ZNF362: variants seen among roughly 807,000 people sequenced by gnomAD.
ZNF362 encodes zinc finger protein 362.
In ZNF362, 11 loss-of-function variants were observed where a neutral mutation model predicts 42.9. That is an observed-to-expected ratio of 0.26 (90% CI 0.16 to 0.42). The LOEUF (loss-of-function observed/expected upper bound fraction) is 0.42, where lower values mean the gene tolerates loss of function less well. Among genes scored for constraint, ZNF362 ranks in the 20% least tolerant of loss-of-function variants. The pLI, the probability that ZNF362 is intolerant of heterozygous loss-of-function variation, is 1.00. For synonymous variants in ZNF362, 255 were observed against 257.3 expected, an observed-to-expected ratio of 0.99 and a Z score of 0.09; for missense variants, 362 against 576.2, an observed-to-expected ratio of 0.63 and a Z score of 3.81.
chr1:33,236,551 ATATATATATAT>A, the ZNF362 span, among the ~76,000 whole-genome samples: 2 of 23,984 alleles, frequency 8.3e-5, no homozygotes, highest in African/African-American at 1.4e-4. Flanking sequence ...AAAAAAAAAA[ATATATATATAT>A]ATATATATAT....
upstream of ZNF362, among the ~76,000 whole-genome samples, chr1:33,256,292 G>T (rs996486649): frequency 1.7e-4 from 24 of 142,430 alleles, no homozygotes; most frequent in Middle Eastern, 3.6e-3. Flanking sequence ...TCGCGCAGTC[G>T]CCAGCGCCCG....
chr1:33,276,221 C>T (rs1645945121), intron 3 of ZNF362, 58 bp downstream of exon 3: 1 of 1,605,834 alleles, frequency 6.2e-7, no homozygotes, highest in Non-Finnish European at 8.5e-7. Flanking sequence ...CTTCGCTTCC[C>T]CTGGGTTTTG....
chr1:33,273,734 C>T (rs1455201420), intron 2 of ZNF362, among the ~76,000 whole-genome samples: 1 of 152,202 alleles, frequency 6.6e-6, no homozygotes, highest in East Asian at 1.9e-4. Context: ...CTTGTTTCTT[C>T]CTCCGTGAAA....
intron 1 of ZNF362, among the ~76,000 whole-genome samples, chr1:33,256,866 G>A (rs895527198): frequency 6.7e-6 from 1 of 149,586 alleles, no homozygotes; most frequent in Non-Finnish European, 1.5e-5. Context: ...CGCGGGGTAG[G>A]AAGTGTCTCC....
At chr1:33,242,467 C>T in the ZNF362 span, among the ~76,000 whole-genome samples, 2 of 152,122 alleles carry the variant, frequency 1.3e-5, no homozygotes, top group Non-Finnish European at 2.9e-5. Flanking sequence ...CACATAGCAT[C>T]ACTTTATACC....
rs113867604 is a variant in ZNF362 at position 33,285,570 on chromosome 1, C to T, written c.908+3759C>T. Among the ~76,000 whole-genome samples the T allele has an allele frequency of 2.2e-3, 337 of 152,304 alleles. 5 individuals carry two copies. Among genetic ancestry groups the T allele is most frequent in the African/African-American group, 7.3e-3 (303 of 41,568 alleles). On this transcript the variant is annotated intron_variant, in intron 6 of 8. Coordinates refer to ENST00000539719, the MANE Select transcript of ZNF362 (RefSeq NM_152493.3). Reference sequence around the variant, plus strand: ...TCTTTGTTGATGCTTGTTATGCCAGCCTCTGTGCATTAGATTAGGTTTTTT... The same window carrying T: ...TCTTTGTTGATGCTTGTTATGCCAGTCTCTGTGCATTAGATTAGGTTTTTT...
At chr1:33,189,655 A>ATATATATATATATATATATATATATATG in the ZNF362 span, among the ~76,000 whole-genome samples, 2 of 23,332 alleles carry the variant, frequency 8.6e-5, no homozygotes, top group African/African-American at 1.6e-4. Flanking sequence ...ATATATATAT[A>ATATATATATATATATATATATATATATG]TATATATATA....
chr1:33,158,198 G>C, the ZNF362 span: 1 of 1,523,006 alleles, frequency 6.6e-7, no homozygotes, highest in Non-Finnish European at 9.1e-7. Context: ...CAGGGGGCTG[G>C]GCTGTGCTGG....
the ZNF362 span, among the ~76,000 whole-genome samples, chr1:33,144,095 C>G: frequency 6.6e-6 from 1 of 151,644 alleles, no homozygotes; most frequent in Admixed American, 6.6e-5. Flanking sequence ...CACACTCTTA[C>G]ATGCAAACGT....
the ZNF362 span, among the ~76,000 whole-genome samples, chr1:33,139,134 A>C: frequency 3.9e-5 from 6 of 152,154 alleles, no homozygotes; most frequent in African/African-American, 1.4e-4. Context: ...TTTGTTAAAA[A>C]AGCAAACAAA....
chr1:33,277,088 G>A (rs933875363), intron 4 of ZNF362, among the ~76,000 whole-genome samples: 5 of 152,256 alleles, frequency 3.3e-5, no homozygotes, highest in African/African-American at 9.6e-5. Flanking sequence ...GGGGAGGCCC[G>A]GAAGATGGTG....
the ZNF362 span, chr1:33,159,800 G>A: frequency 8.9e-5 from 143 of 1,613,708 alleles, 1 homozygote; most frequent in East Asian, 1.6e-3. The surrounding 1 kb of genome is among the most constrained non-coding windows in gnomAD (Gnocchi z 4.2). Context: ...TGGCTGTAGC[G>A]CTGGACTTTC....
At chr1:33,205,135 T>G in the ZNF362 span, among the ~76,000 whole-genome samples, 85 of 151,246 alleles carry the variant, frequency 5.6e-4, 1 homozygote, top group African/African-American at 1.5e-3. Context: ...CTGTGTGTTT[T>G]TGTGTGTGTG....
At chr1:33,144,528 C>T in the ZNF362 span, among the ~76,000 whole-genome samples, 2 of 152,228 alleles carry the variant, frequency 1.3e-5, no homozygotes, top group Non-Finnish European at 2.9e-5. Context: ...AAAATACTGT[C>T]CTGGGCCCGA....
chr1:33,176,989 A>G, the ZNF362 span, among the ~76,000 whole-genome samples: 397 of 152,278 alleles, frequency 2.6e-3, 2 homozygotes, highest in African/African-American at 8.0e-3. Flanking sequence ...TCAGTGGTCC[A>G]GGTACTCAGC....
chr1:33,165,377 C>T, the ZNF362 span: 88 of 1,208,010 alleles, frequency 7.3e-5, 3 homozygotes, highest in South Asian at 1.3e-3. The surrounding 1 kb of genome is among the most constrained non-coding windows in gnomAD (Gnocchi z 4.0). Context: ...CACCGCACAC[C>T]CGAGGCCCCG....
At chr1:33,272,050 G>C (rs1444063215) in intron 2 of ZNF362, among the ~76,000 whole-genome samples, 2 of 146,324 alleles carry the variant, frequency 1.4e-5, no homozygotes, top group South Asian at 2.3e-4. Context: ...GAGAGAGGGG[G>C]CTCCCGCTCT....
the ZNF362 span, chr1:33,145,679 G>A: frequency 1.9e-5 from 6 of 321,538 alleles, 1 homozygote; most frequent in Admixed American, 1.3e-4. Flanking sequence ...AGTCAAGGCC[G>A]GGGAGACATT....
the ZNF362 span, among the ~76,000 whole-genome samples, chr1:33,221,232 C>T: frequency 9.9e-5 from 15 of 152,196 alleles, 1 homozygote; most frequent in Non-Finnish European, 1.5e-5. Context: ...CTTAAGCAAA[C>T]CCCAGCCGCA....
Sources: allele counts gnomAD v4.1 joint callset (sites outside exome capture counted in the v4.1 genomes callset), GRCh38; gene constraint gnomAD v4.1.1; non-coding constraint Gnocchi (gnomAD v3.1); transcripts MANE v1.5; gene names NCBI Gene and HGNC (gene_info 2026-07-23, HGNC 2026-07-21).